The following AMPH variants were observed in gnomAD, a reference collection of about 807,000 sequenced individuals.
AMPH encodes amphiphysin, also known as amphiphysin (Stiff-Mann syndrome with breast cancer 128kD autoantigen).
A neutral mutation model predicts 99.1 loss-of-function variants in AMPH; 49 were observed. That is an observed-to-expected ratio of 0.49 (90% CI 0.39 to 0.63). The LOEUF is 0.63. AMPH is among the 20% of genes least tolerant of loss of function. The probability of loss-of-function intolerance (pLI) is 0.00; values close to 1 mark genes in which losing one functional copy is unlikely to be tolerated. For synonymous variants in AMPH, 314 were observed against 317.3 expected, an observed-to-expected ratio of 0.99 and a Z score of 0.11; for missense variants, 759 against 863.4, an observed-to-expected ratio of 0.88 and a Z score of 1.52.
chr7:38,420,983 G>A (rs780335614), intron 16 of AMPH: 8 of 456,458 alleles, frequency 1.8e-5, no homozygotes, highest in Middle Eastern at 3.2e-4. Flanking sequence ...GTACAATCAC[G>A]ACTCACTGGG....
intron 16 of AMPH, among the ~76,000 whole-genome samples, chr7:38,418,309 C>G (rs894796893): frequency 1.3e-5 from 2 of 149,360 alleles, no homozygotes; most frequent in Non-Finnish European, 1.5e-5. Flanking sequence ...GAGACAGAGA[C>G]AGAGAGAGAG....
At chr7:38,538,591 G>C (rs1351730846) in intron 1 of AMPH, among the ~76,000 whole-genome samples, 2 of 152,204 alleles carry the variant, frequency 1.3e-5, no homozygotes, top group Non-Finnish European at 2.9e-5. Flanking sequence ...TGCACTCCTT[G>C]GTGACAATGT....
intron 20 of AMPH, among the ~76,000 whole-genome samples, chr7:38,388,409 C>A (rs1454754199): frequency 6.6e-6 from 1 of 151,990 alleles, no homozygotes; most frequent in Non-Finnish European, 1.5e-5. Flanking sequence ...CTCTCAAAAA[C>A]CTACTTTCGG....
chr7:38,413,953 G>A (rs1035165876), intron 17 of AMPH, among the ~76,000 whole-genome samples: 1 of 152,156 alleles, frequency 6.6e-6, no homozygotes, highest in African/African-American at 2.4e-5. Flanking sequence ...GTCACTGAAG[G>A]ACACCTCAAC....
At chr7:38,503,881 AT>A (rs1789236572) in intron 2 of AMPH, among the ~76,000 whole-genome samples, 177 bp from the exon 3 acceptor site, 1 of 152,232 alleles carries the variant, frequency 6.6e-6, no homozygotes, top group South Asian at 2.1e-4. Context: ...ATTTATAGAA[AT>A]TTTGTTCCAC....
At chr7:38,562,160 C>A (rs1791577617) in intron 1 of AMPH, among the ~76,000 whole-genome samples, 1 of 151,728 alleles carries the variant, frequency 6.6e-6, no homozygotes, top group African/African-American at 2.4e-5. Context: ...AAAAAGTCAG[C>A]AAGGTAAGCA....
chr7:38,444,314 C>A (rs1445616875), intron 11 of AMPH, among the ~76,000 whole-genome samples: 1 of 152,110 alleles, frequency 6.6e-6, no homozygotes, highest in East Asian at 1.9e-4. Flanking sequence ...CCCCAAATTT[C>A]ATGCCTATCT....
chr7:38,476,826 A>G, intron 6 of AMPH, 36 bp downstream of exon 6: 1 of 1,491,458 alleles, frequency 6.7e-7, no homozygotes, highest in Non-Finnish European at 9.4e-7. Context: ...GTCATAAAAT[A>G]CGGAGAGTGG....
intron 17 of AMPH, among the ~76,000 whole-genome samples, chr7:38,396,644 A>T (rs1395798301): frequency 6.6e-6 from 1 of 152,262 alleles, no homozygotes; most frequent in Non-Finnish European, 1.5e-5. Flanking sequence ...ATATTTTGGC[A>T]AATGGCTGAA....
Position 38,399,217 on chromosome 7 carries a change from C to T in AMPH, c.1399-5003G>A, listed in dbSNP as rs537060019. On this transcript the variant is annotated intron_variant, in intron 17 of 20. Transcript: ENST00000356264. ...CCATTAGTAATGAATTCCCATTTTT[C>T]CAGCTGCTGTTTACTTACCACGTTG... Among the ~76,000 whole-genome samples, 3 of 152,302 alleles carry T rather than the reference C, an allele frequency of 2.0e-5. No homozygotes were observed. In the East Asian group the frequency reaches 5.8e-4, roughly 29 times the overall value.
chr7:38,393,737 C>A (rs534697082), intron 18 of AMPH, among the ~76,000 whole-genome samples: 4 of 152,190 alleles, frequency 2.6e-5, no homozygotes, highest in Non-Finnish European at 5.9e-5. Context: ...TTCCTTTCTC[C>A]ACGTCACCCC....
chr7:38,567,940 ATATT>A (rs916861464), intron 1 of AMPH, among the ~76,000 whole-genome samples: 1 of 152,108 alleles, frequency 6.6e-6, no homozygotes, highest in African/African-American at 2.4e-5. Flanking sequence ...ATGAATGAAA[ATATT>A]TATATATTCT....
Position 38,461,367 on chromosome 7 carries a change from C to T in AMPH, c.933G>A (p.Pro311=), listed in dbSNP as rs775423448. 46 of 1,613,958 alleles carry T rather than the reference C, an allele frequency of 2.9e-5. No homozygotes were observed. Among genetic ancestry groups the T allele is most frequent in the Admixed American group, 1.5e-4 (9 of 60,010 alleles). ...PPVPPLPKVT[P]TKELQQENII... is the part of the protein sequence containing the mutation. ...TGTTCTCCTGCTGCAGTTCCTTTGT[C>T]GGGGTGACTTTAGGTAGAGGTGGGA... is the stretch of plus-strand genomic sequence containing the variant. Residue 311 remains proline, a synonymous_variant, in exon 11 of 21, where the codon CCG becomes CCA. Coordinates refer to ENST00000356264, the MANE Select transcript of AMPH (RefSeq NM_001635.4).
At chr7:38,424,285 C>A (rs1005395448) in intron 15 of AMPH, among the ~76,000 whole-genome samples, 2 of 151,920 alleles carry the variant, frequency 1.3e-5, no homozygotes, top group African/African-American at 4.8e-5. Flanking sequence ...GTCAAGATCA[C>A]CAAACATTTG....
intron 1 of AMPH, among the ~76,000 whole-genome samples, chr7:38,596,024 T>C (rs1793042633): frequency 6.6e-6 from 1 of 152,176 alleles, no homozygotes; most frequent in East Asian, 1.9e-4. Context: ...GATGAACATA[T>C]GGGTGCATGT....
intron 17 of AMPH, among the ~76,000 whole-genome samples, chr7:38,405,081 G>T (rs1020202391): frequency 2.6e-5 from 4 of 152,034 alleles, no homozygotes; most frequent in Non-Finnish European, 5.9e-5. Context: ...AAAAAAAAAT[G>T]CCAGCCAAGA....
At chr7:38,476,171 TTG>T (rs1483645044) in intron 6 of AMPH, among the ~76,000 whole-genome samples, 1 of 152,192 alleles carries the variant, frequency 6.6e-6, no homozygotes, top group East Asian at 1.9e-4. Flanking sequence ...GAAAGGAGAC[TTG>T]AAAGTTGATC....
rs190885048 is a variant in AMPH at position 38,559,441 on chromosome 7, G to A, written c.70-24430C>T. ...ACACTGGGTTTCCCGATGGAATGGG[G>A]AGCCAGGGATCCCAGCAATACACCC... On this transcript the variant is annotated intron_variant, in intron 1 of 20. Transcript: ENST00000356264. Among the ~76,000 whole-genome samples the A allele has an allele frequency of 2.0e-4, 31 of 152,312 alleles. No homozygotes were observed. In the East Asian group the frequency reaches 3.3e-3, roughly 16 times the overall value.
intron 11 of AMPH, among the ~76,000 whole-genome samples, chr7:38,439,330 T>C (rs182411948): frequency 5.5e-4 from 84 of 152,340 alleles, no homozygotes; most frequent in Admixed American, 2.4e-3. Flanking sequence ...ATAATGCCAA[T>C]TGGACTGCCT....
Sources: gnomAD v4.1 joint callset for allele counts (sites outside exome capture counted in the v4.1 genomes callset) on GRCh38, gnomAD v4.1.1 for gene constraint, MANE v1.5 for transcripts, NCBI Gene and HGNC (gene_info 2026-07-23, HGNC 2026-07-21) for gene names.